COBLL1: variants seen among roughly 807,000 people sequenced by gnomAD.
The protein encoded by COBLL1 is cordon-bleu protein-like 1.
In COBLL1, 50 loss-of-function variants were observed where a neutral mutation model predicts 94.8. The observed-to-expected ratio is 0.53, with a 90% CI of 0.42 to 0.67. COBLL1 has a LOEUF of 0.67. Ranked by LOEUF, COBLL1 falls within the 30% of genes least tolerant of loss-of-function variation. The pLI, the probability that COBLL1 is intolerant of heterozygous loss-of-function variation, is 0.00. For missense variants in COBLL1, 1,362 were observed against 1,348.7 expected (o/e 1.01, Z -0.15); for synonymous variants, 448 against 473.8 (o/e 0.95, Z 0.71).
chr2:164,813,468 C>T (rs1005900091), intron 2 of COBLL1, among the ~76,000 whole-genome samples: 2 of 152,126 alleles, frequency 1.3e-5, no homozygotes, highest in Non-Finnish European at 2.9e-5. Flanking sequence ...TTATTTTCAT[C>T]ATGTAACCAG....
chr2:164,668,275 T>C (rs895773170), intron 1 of COBLL1, among the ~76,000 whole-genome samples: 3 of 152,206 alleles, frequency 2.0e-5, no homozygotes, highest in Non-Finnish European at 4.4e-5. Flanking sequence ...GTCTCGGCTT[T>C]TGACATGCCT....
intron 2 of COBLL1, among the ~76,000 whole-genome samples, chr2:164,778,439 TCTA>T (rs1323502592): frequency 6.6e-6 from 1 of 152,086 alleles, no homozygotes; most frequent in Non-Finnish European, 1.5e-5. Context: ...AAACCATGTC[TCTA>T]CTAAAACAAA....
downstream of COBLL1, among the ~76,000 whole-genome samples, chr2:164,677,603 T>C (rs532189969): frequency 6.6e-6 from 1 of 152,284 alleles, no homozygotes; most frequent in East Asian, 1.9e-4. Context: ...TAGCTTTCAG[T>C]AGAATTCAGT....
intron 2 of COBLL1, among the ~76,000 whole-genome samples, chr2:164,805,886 T>C (rs1684131912): frequency 6.6e-6 from 1 of 152,316 alleles, no homozygotes; most frequent in East Asian, 1.9e-4. Flanking sequence ...AGAACGTGTT[T>C]AGTTTTGTAA....
At chr2:164,700,996 A>T (rs1271712716) in intron 9 of COBLL1, among the ~76,000 whole-genome samples, 2 of 152,224 alleles carry the variant, frequency 1.3e-5, no homozygotes, top group African/African-American at 2.4e-5. Flanking sequence ...CATGGTAGAG[A>T]CAAGAGGTTA....
At chr2:164,710,892 T>A (rs1684865331) in intron 7 of COBLL1, among the ~76,000 whole-genome samples, 1 of 152,138 alleles carries the variant, frequency 6.6e-6, no homozygotes, top group Non-Finnish European at 1.5e-5. Flanking sequence ...TGTATTTTCT[T>A]CTGTGCACTT....
rs75234149 is a variant in COBLL1, at chr2:164,750,463, C to T, written c.42-6588G>A. ...AAACTCTAAAACATATCCTGAACTTCTATACTTTTCACCAGCTCCCTGCTA... is the reference window on the plus strand; with the variant it reads ...AAACTCTAAAACATATCCTGAACTTTTATACTTTTCACCAGCTCCCTGCTA... On this transcript the variant is annotated intron_variant, in intron 2 of 13. Coordinates refer to ENST00000652658, the MANE Select transcript of COBLL1 (RefSeq NM_001365672.2). Among the ~76,000 whole-genome samples, 837 of 152,252 alleles carry T rather than the reference C, an allele frequency of 5.5e-3. 9 individuals carry two copies. Among genetic ancestry groups the T allele is most frequent in the African/African-American group, 0.019 (788 of 41,564 alleles).
chr2:164,716,541 G>A (rs1192683888), intron 7 of COBLL1, among the ~76,000 whole-genome samples: 2 of 152,126 alleles, frequency 1.3e-5, no homozygotes, highest in Non-Finnish European at 2.9e-5. Flanking sequence ...GAAATTTAGG[G>A]ATTTGAAAGG....
Position 164,680,715 on chromosome 2 carries a change from A to G in COBLL1, c.*5231T>C, listed in dbSNP as rs1020939431. On this transcript the variant is annotated 3_prime_UTR_variant, in exon 14 of 14. Coordinates refer to ENST00000652658, the MANE Select transcript of COBLL1 (RefSeq NM_001365672.2). ...AACGTCAGATAAACAATATAAAAATATAAGTATATCCCAAATATTGTATGG... is the reference window on the plus strand; with the variant it reads ...AACGTCAGATAAACAATATAAAAATGTAAGTATATCCCAAATATTGTATGG... 7 of 152,172 alleles carry G rather than the reference A, an allele frequency of 4.6e-5. No individual in the cohort carries two copies. The highest frequency in any genetic ancestry group is 3.9e-4 in the Admixed American group (6 of 15,264). The allele number at this position is 152,172 out of a possible 1,614,324, so 9.4% of individuals were successfully genotyped here. A position where few individuals can be genotyped will look rare whatever the true frequency, so the allele number is the denominator to read the frequency against.
chr2:164,703,922 A>G (rs1356862785), intron 9 of COBLL1, among the ~76,000 whole-genome samples: 1 of 152,216 alleles, frequency 6.6e-6, no homozygotes, highest in African/African-American at 2.4e-5. Flanking sequence ...AAATTATGTA[A>G]CTTGTAATGG....
intron 7 of COBLL1, chr2:164,718,382 G>A (rs775828638): frequency 5.1e-5 from 14 of 272,228 alleles, no homozygotes; most frequent in African/African-American, 2.5e-4. Context: ...TCAATCCTTC[G>A]AAAAGGGAAG....
chr2:164,710,115 A>T (rs1684808554), intron 7 of COBLL1, among the ~76,000 whole-genome samples: 1 of 152,176 alleles, frequency 6.6e-6, no homozygotes, highest in Non-Finnish European at 1.5e-5. Flanking sequence ...TTATTTAAGA[A>T]ATTGCCAAGG....
intron 2 of COBLL1, among the ~76,000 whole-genome samples, chr2:164,764,052 C>T (rs1687822134): frequency 1.3e-5 from 2 of 152,134 alleles, no homozygotes; most frequent in African/African-American, 4.8e-5. Context: ...TGTGCCACCA[C>T]ATCTGGCTAA....
At position 164,722,052 on chromosome 2, in the gene COBLL1, AAATAG is replaced by A; in HGVS notation, c.996+18_996+22del. On this transcript the variant is annotated intron_variant, in intron 7 of 13. Transcript: ENST00000652658. Reference sequence around the variant, plus strand: ...GTACACTGCCTCATCCAAAAAAACAAAATAGAAAACAAAACTACACACCTTATCTG... The same window carrying A: ...GTACACTGCCTCATCCAAAAAAACAAAAAACAAAACTACACACCTTATCTG... The A allele has an allele frequency of 6.5e-7, 1 of 1,535,572 alleles. No homozygotes were observed. The highest frequency in any genetic ancestry group is 2.1e-5 in the Admixed American group (1 of 47,566).
At chr2:164,701,357 TA>T (rs1320500788) in intron 9 of COBLL1, among the ~76,000 whole-genome samples, 2 of 152,176 alleles carry the variant, frequency 1.3e-5, no homozygotes, top group African/African-American at 4.8e-5. Flanking sequence ...GCCACTGACC[TA>T]GATGCTTAAT....
At chr2:164,793,780 C>A (rs1020286443) in intron 2 of COBLL1, among the ~76,000 whole-genome samples, 2 of 152,164 alleles carry the variant, frequency 1.3e-5, no homozygotes, top group Admixed American at 6.5e-5. Context: ...CATGAGGAAC[C>A]ATTTAACAAT....
chr2:164,679,046 C>G (rs1036402338), downstream of COBLL1, among the ~76,000 whole-genome samples: 1 of 152,148 alleles, frequency 6.6e-6, no homozygotes, highest in African/African-American at 2.4e-5. Context: ...TTTGGAAGTC[C>G]AGATCACCAG....
intron 2 of COBLL1, among the ~76,000 whole-genome samples, chr2:164,774,060 A>G (rs2105257692): frequency 6.6e-6 from 1 of 152,322 alleles, no homozygotes; most frequent in East Asian, 1.9e-4. Flanking sequence ...TTCTCAACAT[A>G]TACAAAATCT....
In COBLL1 at chr2:164,694,119, A is replaced by G. The variant is rs1346695095; in HGVS notation, c.3123+150T>C. The G allele has an allele frequency of 4.1e-6, 3 of 732,706 alleles. No individual in the cohort carries two copies. In the Admixed American group the frequency reaches 8.6e-5, roughly 21 times the overall value. 45.4% of individuals were successfully genotyped at this position (732,706 alleles called of 1,614,324 possible). A position where few individuals can be genotyped will look rare whatever the true frequency, so the allele number is the denominator to read the frequency against. On this transcript the variant is annotated intron_variant, in intron 12 of 13. Transcript: ENST00000652658. ...AATTGTGAGCAAATAATCAGATTTT[A>G]TGTATCACCACTCTCTTCACTACAA...
Sources: allele counts gnomAD v4.1 joint callset (sites outside exome capture counted in the v4.1 genomes callset), GRCh38; gene constraint gnomAD v4.1.1; transcripts MANE v1.5; gene names NCBI Gene and HGNC (gene_info 2026-07-23, HGNC 2026-07-21).